Variants in OSBP2 observed in about 807,000 individuals in gnomAD.
OSBP2 encodes oxysterol binding protein 2, also known as oxysterol-binding protein 2.
OSBP2 carries 66 observed loss-of-function variants against 96.0 expected under a neutral mutation model. That is an observed-to-expected ratio of 0.69 (90% CI 0.56 to 0.84). OSBP2 has a LOEUF of 0.84. Ranked by LOEUF, OSBP2 falls within the 40% of genes least tolerant of loss-of-function variation. The pLI, the probability that OSBP2 is intolerant of heterozygous loss-of-function variation, is 0.00. For synonymous variants in OSBP2, 525 were observed against 520.9 expected, an observed-to-expected ratio of 1.01 and a Z score of -0.11; for missense variants, 1,038 against 1,222.7, an observed-to-expected ratio of 0.85 and a Z score of 2.25.
rs200412151 is a variant in OSBP2, at chr22:30,889,539, G to C, written c.1526G>C (p.Arg509Thr). The C allele has an allele frequency of 9.3e-6, 15 of 1,614,100 alleles. No homozygotes were observed. The highest frequency in any genetic ancestry group is 1.7e-5 in the Admixed American group (1 of 60,014). Residue 509 changes from arginine to threonine, a missense_variant, in exon 7 of 14, where the codon AGG (arginine) becomes ACG (threonine). By Grantham distance (71) the Arg-to-Thr change is moderately conservative. Transcript: ENST00000332585. Reference sequence around the variant, plus strand: ...CCCAAGGGTTCATCCAAAGTCAAGAGGCGAGTCCGCATTCCCAACAAGCCC... The same window carrying C: ...CCCAAGGGTTCATCCAAAGTCAAGACGCGAGTCCGCATTCCCAACAAGCCC... ...LVPKGSSKVK[R>T]RVRIPNKPNY...
chr22:30,870,677 A>G lies in OSBP2; in HGVS notation c.1102A>G (p.Ile368Val). Residue 368 changes from isoleucine (I) to valine (V), a missense_variant, in exon 3 of 14, where the codon ATC becomes GTC. Physicochemically the swap from Ile to Val is conservative, Grantham distance 29. This residue lies in a region of OSBP2 where 737 missense variants were observed against 913.3 expected (regional missense o/e 0.81). Transcript: ENST00000332585. The surrounding 1 kb of genome is among the most constrained non-coding windows in gnomAD (Gnocchi z 4.1). ...CTTCCGCATCACATCCAATGCTATGATCAACGTGAGTACCCACCCCCACCG... is the reference window on the plus strand; with the variant it reads ...CTTCCGCATCACATCCAATGCTATGGTCAACGTGAGTACCCACCCCCACCG... ...TLFRITSNAM[I>V]NACRDFLELA... The G allele has an allele frequency of 6.2e-7, 1 of 1,612,980 alleles. No homozygotes were observed. The highest frequency in any genetic ancestry group is 8.5e-7 in the Non-Finnish European group (1 of 1,179,640).
chr22:30,815,194 G>A (rs1456132045), intron 2 of OSBP2, among the ~76,000 whole-genome samples: 1 of 152,230 alleles, frequency 6.6e-6, no homozygotes, highest in Non-Finnish European at 1.5e-5. Flanking sequence ...GAGGTGGGAG[G>A]ACGGCTTGAG....
At position 30,892,189 on chromosome 22, in the gene OSBP2, G is replaced by C. The variant is rs866380896; in HGVS notation, c.1870-933G>C. ...AGGAAGGGTTTGCTTAGGGTTAGAG[G>C]AGGAGCATGAGGAGGGCCAGAGAGG... On this transcript the variant is annotated intron_variant, in intron 8 of 13. Transcript: ENST00000332585. 8.0e-4 allele frequency among the ~76,000 whole-genome samples: 121 copies of C among 152,160 alleles called. 2 individuals carry two copies. The highest frequency in any genetic ancestry group is 4.7e-4 in the Non-Finnish European group (32 of 68,014).
At chr22:30,762,839 G>T (rs2090223246) in intron 2 of OSBP2, among the ~76,000 whole-genome samples, 1 of 152,208 alleles carries the variant, frequency 6.6e-6, no homozygotes, top group Non-Finnish European at 1.5e-5. Flanking sequence ...AGCCCCTCGA[G>T]CATGGTAGCG....
intron 8 of OSBP2, 151 bp downstream of exon 8, chr22:30,891,124 G>A: frequency 1.0e-6 from 1 of 969,688 alleles, no homozygotes; most frequent in Non-Finnish European, 1.5e-6. Context: ...CAGCCAGGGA[G>A]CAGGGCCTTC....
At chr22:30,832,436 A>T (rs1215265227) in intron 2 of OSBP2, among the ~76,000 whole-genome samples, 1 of 151,846 alleles carries the variant, frequency 6.6e-6, no homozygotes, top group Non-Finnish European at 1.5e-5. Context: ...GACTACAGGC[A>T]TGTGCCACCA....
intron 2 of OSBP2, among the ~76,000 whole-genome samples, chr22:30,751,035 C>G (rs777861959): frequency 3.3e-5 from 5 of 152,184 alleles, no homozygotes; most frequent in Non-Finnish European, 5.9e-5. Context: ...GCCACTGCAC[C>G]CGGCCTCTAT....
At position 30,889,150 on chromosome 22, in the gene OSBP2, A is replaced by G. The variant is rs754788579; in HGVS notation, c.1419-27A>G. The G allele has an allele frequency of 1.9e-6, 3 of 1,607,688 alleles. No homozygotes were observed. The East Asian group carries it at 6.7e-5, about 36-fold the overall frequency. On this transcript the variant is annotated intron_variant, in intron 5 of 13. Transcript: ENST00000332585. ...CAAGGAGACCTCGGGATTCATTAGT[A>G]ACTTGCCTCCCGCTTTGTATTTCCA...
At chr22:30,816,565 C>G (rs1012991444) in intron 2 of OSBP2, among the ~76,000 whole-genome samples, 10 of 152,194 alleles carry the variant, frequency 6.6e-5, no homozygotes, top group African/African-American at 2.2e-4. Context: ...CCAGTGCAAC[C>G]CCGTGCTGGC....
At chr22:30,760,694 T>C (rs1355251104) in intron 2 of OSBP2, among the ~76,000 whole-genome samples, 1 of 151,998 alleles carries the variant, frequency 6.6e-6, no homozygotes, top group Non-Finnish European at 1.5e-5. Flanking sequence ...TGCACACCTG[T>C]AGTCTCAGCT....
chr22:30,876,715 G>A (rs986658316), intron 3 of OSBP2, among the ~76,000 whole-genome samples: 1 of 152,224 alleles, frequency 6.6e-6, no homozygotes, highest in Non-Finnish European at 1.5e-5. Context: ...GAAAGGGGAT[G>A]AGTGTTCCAT....
intron 1 of OSBP2, among the ~76,000 whole-genome samples, chr22:30,730,116 C>T (rs558624942): frequency 6.6e-6 from 1 of 152,030 alleles, no homozygotes; most frequent in Non-Finnish European, 1.5e-5. Flanking sequence ...GCGCATGCCA[C>T]CATGCCTGAC....
At chr22:30,822,902 G>A (rs1047177088) in intron 2 of OSBP2, among the ~76,000 whole-genome samples, 6 of 152,236 alleles carry the variant, frequency 3.9e-5, no homozygotes, top group Non-Finnish European at 5.9e-5. Flanking sequence ...CTTGCTTCAC[G>A]CGCGGGGCAT....
At chr22:30,830,280 T>C (rs748455153) in intron 2 of OSBP2, among the ~76,000 whole-genome samples, 3 of 152,204 alleles carry the variant, frequency 2.0e-5, no homozygotes, top group Non-Finnish European at 4.4e-5. Flanking sequence ...ACGTGTGTGT[T>C]GAGTAATGAT....
intron 2 of OSBP2, among the ~76,000 whole-genome samples, chr22:30,794,561 A>G (rs1048005579): frequency 2.4e-4 from 36 of 151,538 alleles, no homozygotes; most frequent in African/African-American, 8.7e-4. Flanking sequence ...CACCACGCCC[A>G]CCCTGTACCT....
At chr22:30,704,170 C>T (rs2089209121) in intron 1 of OSBP2, among the ~76,000 whole-genome samples, 1 of 152,186 alleles carries the variant, frequency 6.6e-6, no homozygotes, top group African/African-American at 2.4e-5. Flanking sequence ...TCACAGGACT[C>T]AGCATATATT....
At position 30,879,565 on chromosome 22, in the gene OSBP2, G is replaced by A. The variant is rs372171302; in HGVS notation, c.1108-7861G>A. ...GAGCAGGCCCTGGAAGCTCCGCCTC[G>A]GGGGTCAGGCAGGTGATGGAGACAC... On this transcript the variant is annotated intron_variant, in intron 3 of 13. Transcript: ENST00000332585. Among the ~76,000 whole-genome samples, 5 of 152,296 alleles carry A rather than the reference G, an allele frequency of 3.3e-5. No individual in the cohort carries two copies. The South Asian group carries it at 6.2e-4, about 19-fold the overall frequency.
chr22:30,739,385 A>G (rs569543025), intron 1 of OSBP2, among the ~76,000 whole-genome samples: 1 of 152,372 alleles, frequency 6.6e-6, no homozygotes, highest in East Asian at 1.9e-4. Flanking sequence ...GCCTCCCAGC[A>G]GGAGATGCCT....
chr22:30,784,031 T>C (rs1258662798), intron 2 of OSBP2, among the ~76,000 whole-genome samples: 1 of 152,214 alleles, frequency 6.6e-6, no homozygotes, highest in Non-Finnish European at 1.5e-5. Context: ...ATCTTTACGA[T>C]TGACGTAGGT....
Sources: allele counts gnomAD v4.1 joint callset (sites outside exome capture counted in the v4.1 genomes callset), GRCh38; gene constraint gnomAD v4.1.1; regional missense constraint gnomAD v4.1.1; non-coding constraint Gnocchi (gnomAD v3.1); transcripts MANE v1.5; gene names NCBI Gene and HGNC (gene_info 2026-07-23, HGNC 2026-07-21).